The following CLCA4 variants were observed in gnomAD, a reference collection of about 807,000 sequenced individuals.
CLCA4 encodes the protein calcium-activated chloride channel regulator 4.
Under a neutral mutation model 78.9 loss-of-function variants are expected in CLCA4, and 69 were observed. The observed-to-expected ratio is 0.87, with a 90% CI of 0.72 to 1.07. The LOEUF (loss-of-function observed/expected upper bound fraction) is 1.07, where lower values mean the gene tolerates loss of function less well. Among genes scored for constraint, CLCA4 ranks in the 50% least tolerant of loss-of-function variants. The pLI is 0.00. For synonymous variants in CLCA4, 362 were observed against 375.8 expected (o/e 0.96, Z 0.42); for missense variants, 1,133 against 1,095.8 (o/e 1.03, Z -0.48).
chr1:86,552,898 C>T, intron 1 of CLCA4: 1 of 685,540 alleles, frequency 1.5e-6, no homozygotes, highest in Non-Finnish European at 2.7e-6. Context: ...TCTTGAGGGC[C>T]ATCCATCTCC....
In CLCA4 at chr1:86,579,431, G is replaced by T. The variant is rs753367060; in HGVS notation, c.2200G>T (p.Ala734Ser). Residue 734 changes from alanine (A) to serine (S), a missense_variant, in exon 13 of 14, where the codon GCA (alanine) becomes TCA (serine). Transcript: ENST00000370563. ...QTTLEDFSRT[A>S]SGGAFVVSQV... Reference sequence around the variant, plus strand: ...CACCTTGGAGGATTTCAGCCGAACAGCATCCGGAGGTGCATTTGTGGTATC... The same window carrying T: ...CACCTTGGAGGATTTCAGCCGAACATCATCCGGAGGTGCATTTGTGGTATC... The T allele has an allele frequency of 5.0e-6, 8 of 1,613,190 alleles. No individual in the cohort carries two copies. Among genetic ancestry groups the T allele is most frequent in the Admixed American group, 3.3e-5 (2 of 59,888 alleles).
At chr1:86,575,726 C>T (rs761588057) in intron 11 of CLCA4, 127 bp downstream of exon 11, 4 of 865,996 alleles carry the variant, frequency 4.6e-6, no homozygotes, top group East Asian at 2.5e-5. Flanking sequence ...ACAGCAGGAA[C>T]AGCAGGAAAT....
In CLCA4 at chr1:86,575,458, G is replaced by T; in HGVS notation, c.1810G>T (p.Val604Leu). Reference protein sequence around the residue: ...ITVNAKMNKDVNSFPSPMIVY... With the variant: ...ITVNAKMNKDLNSFPSPMIVY... The stretch of plus-strand genomic sequence containing the variant: ...AGTGAATGCTAAAATGAATAAGGAC[G>T]TAAACAGTTTCCCCAGCCCAATGAT... The change falls in exon 11 of 14, where the codon GTA becomes TTA. Residue 604 changes from valine to leucine, a missense_variant. Transcript: ENST00000370563. 4 of 1,613,458 alleles carry T rather than the reference G, an allele frequency of 2.5e-6. No homozygotes were observed. The highest frequency in any genetic ancestry group is 3.4e-6 in the Non-Finnish European group (4 of 1,179,598).
chr1:86,564,421 T>C (rs1482497662), intron 4 of CLCA4, among the ~76,000 whole-genome samples: 1 of 152,130 alleles, frequency 6.6e-6, no homozygotes, highest in African/African-American at 2.4e-5. Flanking sequence ...TTCAGGCACA[T>C]CTTTTAGAGA....
chr1:86,559,667 A>G (rs1649954601), intron 1 of CLCA4, among the ~76,000 whole-genome samples: 1 of 152,228 alleles, frequency 6.6e-6, no homozygotes, highest in Non-Finnish European at 1.5e-5. Context: ...ACATATTCCT[A>G]TTAATCAATT....
In CLCA4 at chr1:86,579,450, T is replaced by C; in HGVS notation, c.2219T>C (p.Val740Ala). ...FSRTASGGAF[V>A]VSQVPSLPLP... ...CGAACAGCATCCGGAGGTGCATTTG[T>C]GGTATCACAAGTCCCAAGCCTTCCC... Residue 740 changes from valine to alanine, a missense_variant, in exon 13 of 14, where the codon GTG becomes GCG. By Grantham distance (64) the Val-to-Ala change is moderately conservative. Transcript: ENST00000370563. 1 of 1,613,298 alleles carries C rather than the reference T, an allele frequency of 6.2e-7. No individual in the cohort carries two copies. Among genetic ancestry groups the C allele is most frequent in the Non-Finnish European group, 8.5e-7 (1 of 1,179,516 alleles).
chr1:86,569,964 A>C (rs1650300222), intron 7 of CLCA4, among the ~76,000 whole-genome samples: 1 of 152,032 alleles, frequency 6.6e-6, no homozygotes, highest in African/African-American at 2.4e-5. Flanking sequence ...TTTTGTACTT[A>C]AATGCGTGGG....
chr1:86,552,363 AG>A (rs2101789772), intron 1 of CLCA4, among the ~76,000 whole-genome samples: 1 of 152,314 alleles, frequency 6.6e-6, no homozygotes, highest in African/African-American at 2.4e-5. Context: ...CAGGGCTGTA[AG>A]GACGTCAGGA....
intron 1 of CLCA4, among the ~76,000 whole-genome samples, chr1:86,555,458 TC>T (rs2101794128): frequency 6.6e-6 from 1 of 152,336 alleles, no homozygotes; most frequent in African/African-American, 2.4e-5. Flanking sequence ...TAATAGGGAA[TC>T]TTTTCCCCAT....
chr1:86,547,505 C>T (rs927507579), intron 1 of CLCA4, among the ~76,000 whole-genome samples: 2 of 152,136 alleles, frequency 1.3e-5, no homozygotes, highest in Non-Finnish European at 2.9e-5. Context: ...TTGAAATACA[C>T]AACAGATTAT....
intron 3 of CLCA4, among the ~76,000 whole-genome samples, chr1:86,562,853 T>TAAAAA (rs10579344): frequency 7.5e-5 from 10 of 133,234 alleles, no homozygotes; most frequent in African/African-American, 2.8e-4. Context: ...GACTCCATCT[T>TAAAAA]AAAAAAAAAA....
At position 86,565,916 on chromosome 1, in the gene CLCA4, A is replaced by G. The variant is rs916137005; in HGVS notation, c.850A>G (p.Asn284Asp). 2 of 1,612,832 alleles carry G rather than the reference A, an allele frequency of 1.2e-6. No homozygotes were observed. Among genetic ancestry groups the G allele is most frequent in the Non-Finnish European group, 1.7e-6 (2 of 1,179,072 alleles). ...GATTAGCAATTCTGAGGATTTTAAA[A>G]ACACCATACCCATGGTGACACCACC... ...EVISNSEDFKNTIPMVTPPPP... is the reference protein window; with the variant it reads ...EVISNSEDFKDTIPMVTPPPP... Residue 284 changes from asparagine (N) to aspartate (D), a missense_variant, in exon 6 of 14, where the codon AAC becomes GAC. Coordinates refer to ENST00000370563, the MANE Select transcript of CLCA4 (RefSeq NM_012128.4).
chr1:86,573,097 T>A (rs974746133), intron 9 of CLCA4: 1 of 262,784 alleles, frequency 3.8e-6, no homozygotes, highest in Non-Finnish European at 7.5e-6. Flanking sequence ...ACTTCTATGA[T>A]ATAGATTTAG....
chr1:86,579,351 C>A lies in CLCA4; in HGVS notation c.2123-3C>A, dbSNP rs781751773. 11 of 1,608,360 alleles carry A rather than the reference C, an allele frequency of 6.8e-6. No individual in the cohort carries two copies. Among genetic ancestry groups the A allele is most frequent in the Non-Finnish European group, 9.4e-6 (11 of 1,175,530 alleles). On this transcript the variant is annotated splice_polypyrimidine_tract_variant and splice_region_variant and intron_variant, in intron 12 of 13. Transcript: ENST00000370563. ...ATTATAAACCAGGAAATGTTTAATG[C>A]AGGGGAAATTGAAGCAAACCCGCCA...
chr1:86,579,662 T>TGGGGGGGGG, intron 13 of CLCA4, 75 bp downstream of exon 13: 13 of 600,202 alleles, frequency 2.2e-5, no homozygotes, highest in East Asian at 3.9e-5. Flanking sequence ...TAAGGGTGGG[T>TGGGGGGGGG]GGGGGGAGAA....
Position 86,560,658 on chromosome 1 carries a change from G to A in CLCA4, c.448+300G>A, listed in dbSNP as rs74371035. Among the ~76,000 whole-genome samples, 618 of 152,190 alleles carry A rather than the reference G, an allele frequency of 4.1e-3. 5 individuals carry two copies. The highest frequency in any genetic ancestry group is 0.013 in the African/African-American group (527 of 41,532). On this transcript the variant is annotated intron_variant, in intron 3 of 13. Coordinates refer to ENST00000370563, the MANE Select transcript of CLCA4 (RefSeq NM_012128.4). ...TAAACAGAGAAAAGCAATAATAAATGTTTTTCTTAAGGCATGCTTTTTAAA... is the reference window on the plus strand; with the variant it reads ...TAAACAGAGAAAAGCAATAATAAATATTTTTCTTAAGGCATGCTTTTTAAA...
chr1:86,560,896 AATGTC>A (rs1469345953), intron 3 of CLCA4, among the ~76,000 whole-genome samples: 12 of 152,334 alleles, frequency 7.9e-5, no homozygotes, highest in Admixed American at 7.2e-4. Flanking sequence ...TAAAAATGGC[AATGTC>A]ATCTAGTTCA....
intron 7 of CLCA4, 109 bp downstream of exon 7, chr1:86,567,760 T>C: frequency 1.2e-6 from 1 of 848,496 alleles, no homozygotes; most frequent in Non-Finnish European, 1.8e-6. Flanking sequence ...ACATAACTAA[T>C]CCTAAGAGGC....
chr1:86,550,833 CTTTT>C (rs776646480), intron 1 of CLCA4, among the ~76,000 whole-genome samples: 1 of 134,450 alleles, frequency 7.4e-6, no homozygotes, highest in African/African-American at 2.7e-5. Context: ...GGGATCATTT[CTTTT>C]TTTTTTTTTT....
Sources: gnomAD v4.1 joint callset for allele counts (sites outside exome capture counted in the v4.1 genomes callset) on GRCh38, gnomAD v4.1.1 for gene constraint, MANE v1.5 for transcripts, NCBI Gene and HGNC (gene_info 2026-07-23, HGNC 2026-07-21) for gene names.